NCK1: variants seen among roughly 807,000 people sequenced by gnomAD.
The protein encoded by NCK1 is NCK adaptor protein 1.
NCK1 carries 19 observed loss-of-function variants against 36.6 expected under a neutral mutation model. The ratio of observed to expected loss-of-function variants is 0.52; its 90% CI spans 0.36 to 0.76. NCK1 has a LOEUF of 0.76. Ranked by LOEUF, NCK1 falls within the 30% of genes least tolerant of loss-of-function variation. The pLI, the probability that NCK1 is intolerant of heterozygous loss-of-function variation, is 0.00. For synonymous variants in NCK1, 165 were observed against 156.0 expected, an observed-to-expected ratio of 1.06 and a Z score of -0.43; for missense variants, 358 against 445.6, an observed-to-expected ratio of 0.80 and a Z score of 1.77.
At chr3:136,889,543 GCGGGTTGCCACTGCTGGCT>G (rs1357323693) in intron 1 of NCK1, among the ~76,000 whole-genome samples, 2 of 152,082 alleles carry the variant, frequency 1.3e-5, no homozygotes, top group Non-Finnish European at 2.9e-5. Context: ...GGGGACCCGA[GCGGGTTGCCACTGCTGGCT>G]CGGGCAGCCT....
chr3:136,871,651 T>G (rs1938621661), intron 1 of NCK1, among the ~76,000 whole-genome samples: 1 of 152,144 alleles, frequency 6.6e-6, no homozygotes, highest in African/African-American at 2.4e-5. Context: ...TTTTTGAACT[T>G]TATATAAATG....
chr3:136,947,272 A>G (rs1940855210), intron 3 of NCK1, among the ~76,000 whole-genome samples: 1 of 152,136 alleles, frequency 6.6e-6, no homozygotes, highest in African/African-American at 2.4e-5. Flanking sequence ...TCACTGTTTG[A>G]AACTTTGGGA....
At chr3:136,888,357 T>G (rs1189233602) in intron 1 of NCK1, among the ~76,000 whole-genome samples, 3 of 152,222 alleles carry the variant, frequency 2.0e-5, no homozygotes, top group Non-Finnish European at 4.4e-5. Flanking sequence ...AAGTATACAA[T>G]TCAGCTTTTA....
At chr3:136,881,470 G>T (rs1336853329) in intron 1 of NCK1, among the ~76,000 whole-genome samples, 2 of 152,094 alleles carry the variant, frequency 1.3e-5, no homozygotes, top group Non-Finnish European at 2.9e-5. Flanking sequence ...TGCCCGCCTC[G>T]GCCTCCCAAG....
chr3:136,946,720 C>T (rs963405243), intron 3 of NCK1, among the ~76,000 whole-genome samples: 12 of 151,958 alleles, frequency 7.9e-5, no homozygotes, highest in African/African-American at 2.9e-4. Context: ...ATAGGAAATC[C>T]CTGAATTTAA....
At chr3:136,882,825 T>C (rs1938979554) in intron 1 of NCK1, among the ~76,000 whole-genome samples, 1 of 152,198 alleles carries the variant, frequency 6.6e-6, no homozygotes, top group Non-Finnish European at 1.5e-5. Context: ...AAGTGTAGTA[T>C]AGCAGTGTCT....
rs1940961256 is a variant in NCK1, at chr3:136,951,140, A to C, written c.*2687A>C. Among the ~76,000 whole-genome samples, 1 of 152,200 alleles carries C rather than the reference A, an allele frequency of 6.6e-6. No homozygotes were observed. Among genetic ancestry groups the C allele is most frequent in the South Asian group, 2.1e-4 (1 of 4,834 alleles). ...GATGGGCAACTTGGGTTGTTAGAAT[A>C]AGGTCATTCTTGCAGAATATGGCAC... On this transcript the variant is annotated 3_prime_UTR_variant, in exon 4 of 4. Coordinates refer to ENST00000481752, the MANE Select transcript of NCK1 (RefSeq NM_001291999.2).
intron 2 of NCK1, among the ~76,000 whole-genome samples, chr3:136,944,619 G>T (rs1041405129): frequency 6.6e-6 from 1 of 152,168 alleles, no homozygotes; most frequent in Admixed American, 6.5e-5. Flanking sequence ...CAAGGATGTC[G>T]AGAGTCCCAA....
At chr3:136,901,800 A>T (rs1490639951) in intron 1 of NCK1, among the ~76,000 whole-genome samples, 1 of 151,922 alleles carries the variant, frequency 6.6e-6, no homozygotes, top group Non-Finnish European at 1.5e-5. Context: ...TGGTTTATTG[A>T]TTTACCTTTT....
chr3:136,901,901 A>G lies in NCK1; in HGVS notation c.-18-26083A>G, dbSNP rs180899894. On this transcript the variant is annotated intron_variant, in intron 1 of 3. Transcript: ENST00000481752. ...TGATCTTTATTATTTCTTTCCTTCT[A>G]CTAATTTGGGGTTTGGTTCTAGTTC... Among the ~76,000 whole-genome samples the G allele has an allele frequency of 4.0e-5, 6 of 151,886 alleles. No individual in the cohort carries two copies. The East Asian group carries it at 1.2e-3, about 29-fold the overall frequency.
At chr3:136,934,307 A>G (rs1186232286) in intron 2 of NCK1, among the ~76,000 whole-genome samples, 3 of 151,658 alleles carry the variant, frequency 2.0e-5, no homozygotes, top group African/African-American at 7.3e-5. Context: ...TTTTTCTGAG[A>G]CCAAGTCTCA....
intron 1 of NCK1, among the ~76,000 whole-genome samples, chr3:136,874,422 C>T (rs144592589): frequency 6.6e-6 from 1 of 152,186 alleles, no homozygotes; most frequent in African/African-American, 2.4e-5. Flanking sequence ...TCAGGTGACC[C>T]GCCCACCTTG....
chr3:136,943,714 C>T (rs548893518), intron 2 of NCK1, among the ~76,000 whole-genome samples: 1 of 152,136 alleles, frequency 6.6e-6, no homozygotes, highest in Non-Finnish European at 1.5e-5. Flanking sequence ...AATAAGATCT[C>T]GTTTTCTGCC....
At chr3:136,936,198 G>A (rs184766917) in intron 2 of NCK1, among the ~76,000 whole-genome samples, 63 of 152,024 alleles carry the variant, frequency 4.1e-4, no homozygotes, top group Non-Finnish European at 6.9e-4. Flanking sequence ...ATGCCACCAC[G>A]CCTGGCTAAT....
chr3:136,916,092 C>T (rs111257889), intron 1 of NCK1, among the ~76,000 whole-genome samples: 5 of 152,196 alleles, frequency 3.3e-5, no homozygotes, highest in African/African-American at 9.6e-5. Context: ...TATCACAGAA[C>T]AACAAGGGGG....
chr3:136,909,521 C>T (rs753680418), intron 1 of NCK1, among the ~76,000 whole-genome samples: 11 of 152,094 alleles, frequency 7.2e-5, no homozygotes, highest in Non-Finnish European at 1.3e-4. Context: ...GGCAGAATGT[C>T]GAGTGCTGTA....
chr3:136,919,797 A>G (rs1266989523), intron 1 of NCK1, among the ~76,000 whole-genome samples: 3 of 152,160 alleles, frequency 2.0e-5, no homozygotes, highest in Admixed American at 2.0e-4. Context: ...TTGGCAAGTC[A>G]GTAGTTATAC....
chr3:136,869,157 T>A (rs2108065338), intron 1 of NCK1, among the ~76,000 whole-genome samples: 1 of 151,674 alleles, frequency 6.6e-6, no homozygotes, highest in East Asian at 2.0e-4. Flanking sequence ...GGAGAATGGC[T>A]TGAACCCCAG....
At chr3:136,938,494 C>G (rs1003578773) in intron 2 of NCK1, among the ~76,000 whole-genome samples, 1 of 152,122 alleles carries the variant, frequency 6.6e-6, no homozygotes, top group Non-Finnish European at 1.5e-5. Context: ...TACTATAAAC[C>G]AGTGTCCTTT....
Sources: allele counts gnomAD v4.1 joint callset (sites outside exome capture counted in the v4.1 genomes callset), GRCh38; gene constraint gnomAD v4.1.1; transcripts MANE v1.5; gene names NCBI Gene and HGNC (gene_info 2026-07-23, HGNC 2026-07-21).